Variants in ALDH1A2 observed in about 807,000 individuals in gnomAD.
The protein encoded by ALDH1A2 is retinal dehydrogenase 2.
Under a neutral mutation model 60.3 loss-of-function variants are expected in ALDH1A2, and 27 were observed. The ratio of observed to expected loss-of-function variants is 0.45; its 90% CI spans 0.33 to 0.62. ALDH1A2 has a LOEUF of 0.62. ALDH1A2 is among the 20% of genes least tolerant of loss of function. ALDH1A2 has a pLI of 0.02. For synonymous variants in ALDH1A2, 289 were observed against 232.4 expected, an observed-to-expected ratio of 1.24 and a Z score of -2.21; for missense variants, 581 against 643.8, an observed-to-expected ratio of 0.90 and a Z score of 1.06.
intron 4 of ALDH1A2, among the ~76,000 whole-genome samples, chr15:58,003,646 C>G (rs551931548): frequency 2.0e-4 from 30 of 151,964 alleles, no homozygotes; most frequent in African/African-American, 7.0e-4. Flanking sequence ...AATTAACTTC[C>G]ATTTCTCCCT....
chr15:57,980,110 C>G (rs1894436734), intron 7 of ALDH1A2: 1 of 299,426 alleles, frequency 3.3e-6, no homozygotes. Flanking sequence ...CGGTCATGCC[C>G]AACTGGCTGG....
chr15:57,964,427 C>T (rs781649600), intron 8 of ALDH1A2: 7 of 207,098 alleles, frequency 3.4e-5, no homozygotes, highest in Non-Finnish European at 6.9e-5. Context: ...AAAGCCACTA[C>T]ATTTAATCAT....
At chr15:58,003,951 G>C (rs1204793687) in intron 4 of ALDH1A2, among the ~76,000 whole-genome samples, 1 of 151,596 alleles carries the variant, frequency 6.6e-6, no homozygotes, top group Non-Finnish European at 1.5e-5. Flanking sequence ...ATAATGGATA[G>C]TGTTGTAAAG....
At chr15:58,007,925 G>A (rs766240625) in intron 4 of ALDH1A2, among the ~76,000 whole-genome samples, 33 of 152,086 alleles carry the variant, frequency 2.2e-4, no homozygotes, top group Non-Finnish European at 3.5e-4. Flanking sequence ...TTATGATTAC[G>A]ATACCCCTTT....
rs540195149 is a variant in ALDH1A2, at chr15:57,979,803, G to A, written c.798+12902C>T. 179 of 250,624 alleles carry A rather than the reference G, an allele frequency of 7.1e-4. 1 individual carries two copies. The highest frequency in any genetic ancestry group is 3.9e-3 in the African/African-American group (173 of 43,944). The allele number at this position is 250,624 out of a possible 1,614,324, so 15.5% of individuals were successfully genotyped here. ...AGTTGCCAGCACCCAAGGGAGCCCCGTCAGCCACTGTGCCTGGCAGGCAGT... is the reference window on the plus strand; with the variant it reads ...AGTTGCCAGCACCCAAGGGAGCCCCATCAGCCACTGTGCCTGGCAGGCAGT... On this transcript the variant is annotated intron_variant, in intron 7 of 12. Coordinates refer to ENST00000249750, the MANE Select transcript of ALDH1A2 (RefSeq NM_003888.4).
chr15:57,981,665 T>C (rs1331579526), intron 7 of ALDH1A2, among the ~76,000 whole-genome samples: 1 of 152,226 alleles, frequency 6.6e-6, no homozygotes, highest in Non-Finnish European at 1.5e-5. Context: ...ATTTGATCCA[T>C]GATTTGTGGA....
At chr15:58,061,909 T>C (rs1897049160) in intron 1 of ALDH1A2, among the ~76,000 whole-genome samples, 1 of 152,108 alleles carries the variant, frequency 6.6e-6, no homozygotes, top group African/African-American at 2.4e-5. Flanking sequence ...TAACAACCAA[T>C]TTTTGGCACA....
chr15:58,032,200 T>C (rs1219094424), intron 1 of ALDH1A2, among the ~76,000 whole-genome samples: 2 of 152,104 alleles, frequency 1.3e-5, no homozygotes, highest in Non-Finnish European at 2.9e-5. Flanking sequence ...TTCATGTCCT[T>C]TGTAGGGACA....
At chr15:58,043,298 A>G (rs1896562401) in intron 1 of ALDH1A2, among the ~76,000 whole-genome samples, 1 of 151,974 alleles carries the variant, frequency 6.6e-6, no homozygotes, top group Non-Finnish European at 1.5e-5. Context: ...GCTACTATCA[A>G]TCTAATGGAA....
chr15:57,985,523 G>T (rs1366086838), intron 7 of ALDH1A2, among the ~76,000 whole-genome samples: 1 of 152,126 alleles, frequency 6.6e-6, no homozygotes, highest in Non-Finnish European at 1.5e-5. Context: ...CCAAGTGGCT[G>T]GTCCATAATT....
At chr15:57,955,474 T>C (rs1415818740) in intron 12 of ALDH1A2, among the ~76,000 whole-genome samples, 1 of 148,204 alleles carries the variant, frequency 6.7e-6, no homozygotes, top group South Asian at 2.1e-4. Flanking sequence ...TTTAAAGAAG[T>C]TTTTTTAAAA....
chr15:58,045,018 A>C (rs1460251717), intron 1 of ALDH1A2, among the ~76,000 whole-genome samples: 1 of 152,136 alleles, frequency 6.6e-6, no homozygotes, highest in Non-Finnish European at 1.5e-5. Context: ...GCTAATATCC[A>C]GAATCTACAA....
chr15:57,955,375 G>A, intron 12 of ALDH1A2, 106 bp from the exon 13 acceptor site: 1 of 1,119,498 alleles, frequency 8.9e-7, no homozygotes, highest in Non-Finnish European at 1.4e-6. Flanking sequence ...CGAACAGCAA[G>A]TCCTGGGATG....
intron 1 of ALDH1A2, among the ~76,000 whole-genome samples, chr15:58,016,716 T>A (rs949038124): frequency 6.6e-6 from 1 of 152,120 alleles, no homozygotes. Flanking sequence ...AATTACTTCA[T>A]CATCACTCAT....
chr15:58,061,935 G>A (rs1315610070), intron 1 of ALDH1A2, among the ~76,000 whole-genome samples: 1 of 152,038 alleles, frequency 6.6e-6, no homozygotes, highest in Non-Finnish European at 1.5e-5. Context: ...TTTTTAATAA[G>A]ACCCTAATCT....
chr15:58,048,574 C>A (rs1405084401), intron 1 of ALDH1A2, among the ~76,000 whole-genome samples: 1 of 151,992 alleles, frequency 6.6e-6, no homozygotes, highest in Non-Finnish European at 1.5e-5. Flanking sequence ...CAGAATGATG[C>A]TGCTTGAGAT....
intron 1 of ALDH1A2, among the ~76,000 whole-genome samples, chr15:58,060,533 T>C (rs1382493314): frequency 6.9e-6 from 1 of 145,230 alleles, no homozygotes; most frequent in Non-Finnish European, 1.5e-5. Flanking sequence ...GCACTATGTG[T>C]CAAATAAATG....
At chr15:57,989,586 T>C (rs528448825) in intron 7 of ALDH1A2, among the ~76,000 whole-genome samples, 3 of 152,260 alleles carry the variant, frequency 2.0e-5, no homozygotes, top group African/African-American at 4.8e-5. Flanking sequence ...AAAACAGAAA[T>C]TTCCTGTATA....
At chr15:57,982,807 A>T (rs980039384) in intron 7 of ALDH1A2, among the ~76,000 whole-genome samples, 2 of 152,190 alleles carry the variant, frequency 1.3e-5, no homozygotes, top group African/African-American at 4.8e-5. Context: ...TATTTTCTCC[A>T]GCTTTTACAC....
Sources: allele counts gnomAD v4.1 joint callset (sites outside exome capture counted in the v4.1 genomes callset), GRCh38; gene constraint gnomAD v4.1.1; transcripts MANE v1.5; gene names NCBI Gene and HGNC (gene_info 2026-07-23, HGNC 2026-07-21).